CADPS: variants seen among roughly 807,000 people sequenced by gnomAD.
The protein encoded by CADPS is calcium dependent secretion activator.
Under a neutral mutation model 167.3 loss-of-function variants are expected in CADPS, and 57 were observed. The observed-to-expected ratio is 0.34, with a 90% confidence interval of 0.28 to 0.42. The LOEUF is 0.42. Among genes scored for constraint, CADPS ranks in the 20% least tolerant of loss-of-function variants. The probability of loss-of-function intolerance (pLI) is 1.00; values close to 1 mark genes in which losing one functional copy is unlikely to be tolerated. For missense variants in CADPS, 1,414 were observed against 1,738.1 expected, an observed-to-expected ratio of 0.81 and a Z score of 3.32; for synonymous variants, 676 against 635.3, an observed-to-expected ratio of 1.06 and a Z score of -0.96.
At chr3:62,755,362 T>G (rs1226245841) in intron 2 of CADPS, among the ~76,000 whole-genome samples, 1 of 152,196 alleles carries the variant, frequency 6.6e-6, no homozygotes, top group Non-Finnish European at 1.5e-5. Flanking sequence ...GCTACATGGT[T>G]CTGGGGTGTA....
intron 27 of CADPS, among the ~76,000 whole-genome samples, chr3:62,442,984 TATA>T (rs1254688261): frequency 3.3e-5 from 5 of 152,254 alleles, no homozygotes; most frequent in African/African-American, 1.2e-4. Flanking sequence ...AAAGGTTTAC[TATA>T]ATATTATTAG....
chr3:62,659,364 A>G (rs1345658302), intron 4 of CADPS, among the ~76,000 whole-genome samples: 1 of 152,164 alleles, frequency 6.6e-6, no homozygotes, highest in East Asian at 1.9e-4. Context: ...ATATTTCACA[A>G]TTTTCATCAG....
intron 1 of CADPS, among the ~76,000 whole-genome samples, chr3:62,774,990 G>A (rs955565898): frequency 2.0e-5 from 3 of 151,866 alleles, no homozygotes; most frequent in African/African-American, 7.3e-5. Context: ...GATCTGTCTT[G>A]CTATTTGAAT....
At chr3:62,690,804 A>T (rs146378666) in intron 3 of CADPS, among the ~76,000 whole-genome samples, 442 of 152,116 alleles carry the variant, frequency 2.9e-3, no homozygotes, top group Non-Finnish European at 4.7e-3. Context: ...ACACATGTCA[A>T]CAATGTTTCC....
chr3:62,675,734 A>G (rs895385122), intron 3 of CADPS, among the ~76,000 whole-genome samples: 2 of 152,120 alleles, frequency 1.3e-5, no homozygotes, highest in Admixed American at 1.3e-4. Context: ...TAAATGGTAA[A>G]CCACCATGAA....
At chr3:62,835,915 T>C (rs2075823989) in intron 1 of CADPS, among the ~76,000 whole-genome samples, 2 of 152,226 alleles carry the variant, frequency 1.3e-5, no homozygotes, top group Admixed American at 1.3e-4. Flanking sequence ...TGACTTCATC[T>C]AAAGCTAATG....
At position 62,460,791 on chromosome 3, in the gene CADPS, G is replaced by C. The variant is rs2150283957; in HGVS notation, c.3636+4576C>G. Among the ~76,000 whole-genome samples, 3 of 152,300 alleles carry C rather than the reference G, an allele frequency of 2.0e-5. No homozygotes were observed. In the South Asian group the frequency reaches 6.2e-4, roughly 32 times the overall value. On this transcript the variant is annotated intron_variant, in intron 26 of 29. Coordinates refer to ENST00000383710, the MANE Select transcript of CADPS (RefSeq NM_003716.4). ...TCAAAATGCTGGCAAAAGGAAAACAGGGTGAATGAGAGTAACTTAAGACAA... is the reference window on the plus strand; with the variant it reads ...TCAAAATGCTGGCAAAAGGAAAACACGGTGAATGAGAGTAACTTAAGACAA...
chr3:62,463,455 C>A (rs2059608089), intron 26 of CADPS, among the ~76,000 whole-genome samples: 1 of 152,196 alleles, frequency 6.6e-6, no homozygotes, highest in Non-Finnish European at 1.5e-5. Flanking sequence ...TCACCATTTC[C>A]AGGACTTCAC....
chr3:62,737,040 A>C (rs9882059), intron 3 of CADPS, among the ~76,000 whole-genome samples: 37,661 of 151,832 alleles, frequency 0.25, 5,284 homozygotes, highest in African/African-American at 0.38. Context: ...CGGGAGGCTG[A>C]GGCAAAAGAA....
At chr3:62,693,010 T>C (rs1053132178) in intron 3 of CADPS, among the ~76,000 whole-genome samples, 2 of 140,390 alleles carry the variant, frequency 1.4e-5, no homozygotes, top group African/African-American at 5.4e-5. Context: ...CTGGTTGTTT[T>C]TTCTTCAATC....
chr3:62,759,755 A>C (rs1288897629), intron 2 of CADPS, among the ~76,000 whole-genome samples: 1 of 152,142 alleles, frequency 6.6e-6, no homozygotes. Flanking sequence ...TGGGATTGCA[A>C]GTATTTTTTA....
chr3:62,701,919 T>C (rs1239291327), intron 3 of CADPS, among the ~76,000 whole-genome samples: 1 of 152,168 alleles, frequency 6.6e-6, no homozygotes, highest in Non-Finnish European at 1.5e-5. Flanking sequence ...TTCCTTTTAT[T>C]CCTAAGCAGA....
chr3:62,740,536 C>T lies in CADPS; in HGVS notation c.888+12905G>A, dbSNP rs905155922. ...TTGGGTAAAAGAAGATACCAGACATCTCAGATCATCTCTCTTTACTCAGCC... is the reference window on the plus strand; with the variant it reads ...TTGGGTAAAAGAAGATACCAGACATTTCAGATCATCTCTCTTTACTCAGCC... On this transcript the variant is annotated intron_variant, in intron 3 of 29. Transcript: ENST00000383710. Among the ~76,000 whole-genome samples, 6 of 152,274 alleles carry T rather than the reference C, an allele frequency of 3.9e-5. No individual in the cohort carries two copies. The East Asian group carries it at 1.2e-3, about 29-fold the overall frequency.
rs114533512 is a variant in CADPS, at chr3:62,524,699, C to T, written c.2292-6449G>A. Among the ~76,000 whole-genome samples, 501 of 152,254 alleles carry T rather than the reference C, an allele frequency of 3.3e-3. 6 individuals carry two copies. The highest frequency in any genetic ancestry group is 0.011 in the African/African-American group (475 of 41,548). Reference sequence around the variant, plus strand: ...AAAGTCGTGGAGAAGTCTCTCTCTACTGAACAGTCACAAAGAATATGGATG... The same window carrying T: ...AAAGTCGTGGAGAAGTCTCTCTCTATTGAACAGTCACAAAGAATATGGATG... On this transcript the variant is annotated intron_variant, in intron 13 of 29. Coordinates refer to ENST00000383710, the MANE Select transcript of CADPS (RefSeq NM_003716.4).
rs112791457 is a variant in CADPS, at chr3:62,861,348, TA to T, written c.441+13240del. On this transcript the variant is annotated intron_variant, in intron 1 of 29. Coordinates refer to ENST00000383710, the MANE Select transcript of CADPS (RefSeq NM_003716.4). ...CCTTGCTTTACATTTTTAGAATTTG[TA>T]AAAAAAAATGAACATTCATAGCCCA... Among the ~76,000 whole-genome samples, 8 of 151,216 alleles carry T rather than the reference TA, an allele frequency of 5.3e-5. No individual in the cohort carries two copies. In the East Asian group the frequency reaches 7.7e-4, roughly 15 times the overall value.
chr3:62,411,983 C>T (rs901734969), intron 28 of CADPS, among the ~76,000 whole-genome samples: 3 of 152,098 alleles, frequency 2.0e-5, no homozygotes, highest in East Asian at 1.9e-4. Flanking sequence ...GGGTATTTCC[C>T]AGTCACAGCT....
intron 6 of CADPS, among the ~76,000 whole-genome samples, chr3:62,621,768 G>T (rs1019193998): frequency 2.0e-5 from 3 of 151,948 alleles, no homozygotes; most frequent in Admixed American, 2.0e-4. Flanking sequence ...AGGCCCCAGT[G>T]TGCGTTATTC....
chr3:62,732,505 C>G (rs368074571), intron 3 of CADPS, among the ~76,000 whole-genome samples: 3 of 152,170 alleles, frequency 2.0e-5, no homozygotes, highest in African/African-American at 7.2e-5. Context: ...AGCTAAGCTG[C>G]GCCCAGATTC....
At chr3:62,508,339 C>A (rs894034051) in intron 17 of CADPS, among the ~76,000 whole-genome samples, 4 of 152,212 alleles carry the variant, frequency 2.6e-5, no homozygotes, top group Non-Finnish European at 5.9e-5. Flanking sequence ...CTGTCAATGA[C>A]CAAGAAACCT....
Sources: allele counts gnomAD v4.1 joint callset (sites outside exome capture counted in the v4.1 genomes callset), GRCh38; gene constraint gnomAD v4.1.1; transcripts MANE v1.5; gene names NCBI Gene and HGNC (gene_info 2026-07-23, HGNC 2026-07-21).